Variants in UBE2E2 observed in about 807,000 individuals in gnomAD.
The protein encoded by UBE2E2 is ubiquitin conjugating enzyme E2 E2, also known as ubiquitin-conjugating enzyme E2 E2.
UBE2E2 carries 6 observed loss-of-function variants against 24.7 expected under a neutral mutation model. The observed-to-expected ratio is 0.24, with a 90% CI of 0.13 to 0.48. The LOEUF is 0.48. UBE2E2 is among the 20% of genes least tolerant of loss of function. UBE2E2 has a pLI of 0.99. For missense variants in UBE2E2, 169 were observed against 245.0 expected, an observed-to-expected ratio of 0.69 and a Z score of 2.07; for synonymous variants, 104 against 83.6, an observed-to-expected ratio of 1.24 and a Z score of -1.33.
intron 3 of UBE2E2, among the ~76,000 whole-genome samples, chr3:23,281,020 A>C (rs1698479527): frequency 6.6e-6 from 1 of 152,186 alleles, no homozygotes; most frequent in Non-Finnish European, 1.5e-5. Flanking sequence ...TGGAGAAAGA[A>C]AGACCTTGTG....
At chr3:23,504,912 C>CTTTTTTTTTTTTTTTTTTTT (rs150970405) in intron 4 of UBE2E2, among the ~76,000 whole-genome samples, 2,015 of 94,712 alleles carry the variant, frequency 0.021, 326 homozygotes, top group East Asian at 0.04. Context: ...GACATTCTTT[C>CTTTTTTTTTTTTTTTTTTTT]TTTTTTTTTT....
intron 3 of UBE2E2, among the ~76,000 whole-genome samples, chr3:23,287,271 C>A (rs1271716109): frequency 1.3e-5 from 2 of 152,120 alleles, no homozygotes; most frequent in Non-Finnish European, 2.9e-5. Flanking sequence ...GGGATAAATT[C>A]CACTTGGCCA....
intron 3 of UBE2E2, among the ~76,000 whole-genome samples, chr3:23,223,018 C>G (rs1696699796): frequency 9.9e-6 from 1 of 100,858 alleles, no homozygotes; most frequent in African/African-American, 3.5e-5. Context: ...TCTTTTGCCC[C>G]CCCCCCCTTT....
chr3:23,292,676 T>G (rs1353487027), intron 3 of UBE2E2, among the ~76,000 whole-genome samples: 2 of 152,226 alleles, frequency 1.3e-5, no homozygotes, highest in African/African-American at 2.4e-5. Context: ...GTGAAGAGCT[T>G]GAACTAGACA....
chr3:23,262,188 G>A (rs1451876580), intron 3 of UBE2E2, among the ~76,000 whole-genome samples: 1 of 152,132 alleles, frequency 6.6e-6, no homozygotes, highest in African/African-American at 2.4e-5. Flanking sequence ...TGGATTTGCA[G>A]TTCCCTGATG....
At chr3:23,483,028 G>A (rs919592254) in intron 3 of UBE2E2, among the ~76,000 whole-genome samples, 5 of 152,044 alleles carry the variant, frequency 3.3e-5, no homozygotes, top group African/African-American at 1.2e-4. Context: ...ACTTTTATTG[G>A]CACTTGTTTG....
rs189320513 is a variant in UBE2E2 at position 23,274,169 on chromosome 3, G to C, written c.227+56857G>C. On this transcript the variant is annotated intron_variant, in intron 3 of 5. Transcript: ENST00000396703. Reference sequence around the variant, plus strand: ...TTGCTGATTTCTGATCTTGGATCATGTTTAAAACCAGTGGCAGTCTGTAAA... The same window carrying C: ...TTGCTGATTTCTGATCTTGGATCATCTTTAAAACCAGTGGCAGTCTGTAAA... Among the ~76,000 whole-genome samples, 339 of 152,278 alleles carry C rather than the reference G, an allele frequency of 2.2e-3. 2 individuals carry two copies. Among genetic ancestry groups the C allele is most frequent in the South Asian group, 0.012 (57 of 4,832 alleles).
chr3:23,532,641 G>A lies in UBE2E2; in HGVS notation c.448G>A (p.Ala150Thr). The stretch of plus-strand genomic sequence containing the variant: ...CATCTTAAAGGACAACTGGAGTCCG[G>A]CTTTAACTATTTCTAAAGTTCTCCT... ...LDILKDNWSP[A>T]LTISKVLLSI... The change falls in exon 5 of 6, where the codon GCT becomes ACT. Residue 150 changes from alanine (A) to threonine (T), a missense_variant. By Grantham distance (58) the Ala-to-Thr change is moderately conservative (BLOSUM62 0). This residue lies in a region of UBE2E2 where 105 missense variants were observed against 180.7 expected (regional missense o/e 0.58). Coordinates refer to ENST00000396703, the MANE Select transcript of UBE2E2 (RefSeq NM_152653.4). 1 of 1,575,752 alleles carries A rather than the reference G, an allele frequency of 6.3e-7. No individual in the cohort carries two copies. The highest frequency in any genetic ancestry group is 8.7e-7 in the Non-Finnish European group (1 of 1,153,366).
At chr3:23,350,168 T>G (rs1695697044) in intron 3 of UBE2E2, among the ~76,000 whole-genome samples, 1 of 152,212 alleles carries the variant, frequency 6.6e-6, no homozygotes, top group South Asian at 2.1e-4. Context: ...GACCTGCAGC[T>G]GAGGGTCCTG....
At chr3:23,373,851 C>A (rs572051432) in intron 3 of UBE2E2, among the ~76,000 whole-genome samples, 1 of 152,168 alleles carries the variant, frequency 6.6e-6, no homozygotes, top group South Asian at 2.1e-4. Flanking sequence ...CTTCTCAGTC[C>A]ATGGGAATTG....
intron 3 of UBE2E2, among the ~76,000 whole-genome samples, chr3:23,264,709 T>G (rs1650863236): frequency 6.6e-6 from 1 of 152,240 alleles, no homozygotes; most frequent in African/African-American, 2.4e-5. Flanking sequence ...CCTGTACATT[T>G]GCCAGTCAAT....
At chr3:23,308,086 G>T (rs562699069) in intron 3 of UBE2E2, among the ~76,000 whole-genome samples, 2 of 152,096 alleles carry the variant, frequency 1.3e-5, no homozygotes, top group African/African-American at 4.8e-5. Flanking sequence ...TTGAATAGTG[G>T]GATGTCCACA....
At chr3:23,220,226 C>T (rs1559444090) in intron 3 of UBE2E2, among the ~76,000 whole-genome samples, 1 of 151,806 alleles carries the variant, frequency 6.6e-6, no homozygotes, top group Non-Finnish European at 1.5e-5. Context: ...TAAAGAACAC[C>T]TACAAATGAT....
At chr3:23,368,698 G>A (rs1227919761) in intron 3 of UBE2E2, among the ~76,000 whole-genome samples, 4 of 152,000 alleles carry the variant, frequency 2.6e-5, no homozygotes, top group Admixed American at 2.0e-4. Context: ...TTGTTGAGAG[G>A]TATTTCACAA....
At chr3:23,511,403 G>A (rs574928532) in intron 4 of UBE2E2, among the ~76,000 whole-genome samples, 1 of 152,346 alleles carries the variant, frequency 6.6e-6, no homozygotes, top group East Asian at 1.9e-4. Context: ...TGATCTGAAT[G>A]ACCAGGTAGG....
intron 3 of UBE2E2, among the ~76,000 whole-genome samples, chr3:23,397,664 G>C (rs1401495351): frequency 6.6e-6 from 1 of 152,140 alleles, no homozygotes; most frequent in Non-Finnish European, 1.5e-5. Flanking sequence ...TTCTTTGTTG[G>C]ACATTAAGTT....
Position 23,203,362 on chromosome 3 carries a change from C to G in UBE2E2, c.-111C>G. ...GACTAGACGGTCCGCAGGGGACATC[C>G]CGTCCCTGGGGCCTCCCCAGTCTCC... On this transcript the variant is annotated 5_prime_UTR_variant, in exon 1 of 6. Transcript: ENST00000396703. 4.1e-6 allele frequency: 4 copies of G among 986,100 alleles called. No individual in the cohort carries two copies. Among genetic ancestry groups the G allele is most frequent in the Non-Finnish European group, 4.8e-6 (4 of 830,368 alleles). The allele number at this position is 986,100 out of a possible 1,614,324, so 61.1% of individuals were successfully genotyped here.
In UBE2E2 at chr3:23,335,983, G is replaced by A. The variant is rs915052544; in HGVS notation, c.227+118671G>A. Among the ~76,000 whole-genome samples the A allele has an allele frequency of 6.6e-5, 10 of 152,194 alleles. No homozygotes were observed. The Middle Eastern group carries it at 0.01, about 155-fold the overall frequency. On this transcript the variant is annotated intron_variant, in intron 3 of 5. Transcript: ENST00000396703. ...CCAGTGCCTCAAAATACCAGATACC[G>A]TGTTCATCATTCTCTCAGACATGAG...
At chr3:23,350,317 A>G (rs1331001908) in intron 3 of UBE2E2, among the ~76,000 whole-genome samples, 3 of 152,188 alleles carry the variant, frequency 2.0e-5, no homozygotes, top group Admixed American at 6.5e-5. Flanking sequence ...GAAACCCTAA[A>G]AAGCAGAGCA....
Sources: gnomAD v4.1 joint callset for allele counts (sites outside exome capture counted in the v4.1 genomes callset) on GRCh38, gnomAD v4.1.1 for gene constraint, gnomAD v4.1.1 regional missense constraint, MANE v1.5 for transcripts, NCBI Gene and HGNC (gene_info 2026-07-23, HGNC 2026-07-21) for gene names.